XYLT1: variants seen among roughly 807,000 people sequenced by gnomAD.
XYLT1 encodes xylosyltransferase 1, also known as beta-D-xylosyltransferase 1.
Under a neutral mutation model 91.3 loss-of-function variants are expected in XYLT1, and 36 were observed. The ratio of observed to expected loss-of-function variants is 0.39; its 90% CI spans 0.30 to 0.52. XYLT1 has a LOEUF of 0.52. XYLT1 is among the 20% of genes least tolerant of loss of function. The pLI is 0.68. For synonymous variants in XYLT1, 588 were observed against 532.0 expected (o/e 1.11, Z -1.45); for missense variants, 1,242 against 1,284.5 (o/e 0.97, Z 0.51).
chr16:17,386,132 G>T (rs2035745524), intron 1 of XYLT1, among the ~76,000 whole-genome samples: 1 of 152,090 alleles, frequency 6.6e-6, no homozygotes, highest in South Asian at 2.1e-4. Context: ...TTATGTAACA[G>T]CTGAGAAACA....
chr16:17,154,011 G>C (rs11866508), intron 6 of XYLT1, among the ~76,000 whole-genome samples: 75,809 of 151,962 alleles, frequency 0.5, 19,889 homozygotes, highest in Non-Finnish European at 0.57. Context: ...AGGGCCTTGA[G>C]TAAGGTAAAG....
chr16:17,238,872 C>T (rs965051678), intron 3 of XYLT1, among the ~76,000 whole-genome samples: 7 of 152,326 alleles, frequency 4.6e-5, no homozygotes, highest in East Asian at 3.9e-4. Flanking sequence ...GAGGAGTTTA[C>T]GTGATCTCAC....
intron 3 of XYLT1, among the ~76,000 whole-genome samples, chr16:17,212,319 CT>C (rs2032774113): frequency 6.6e-6 from 1 of 152,122 alleles, no homozygotes; most frequent in South Asian, 2.1e-4. Context: ...AGAAAAACAT[CT>C]TCATGCCTCG....
At chr16:17,188,262 C>T (rs915683622) in intron 5 of XYLT1, among the ~76,000 whole-genome samples, 8 of 152,102 alleles carry the variant, frequency 5.3e-5, no homozygotes, top group East Asian at 1.9e-4. Context: ...CCACGGCAGC[C>T]AGTACGATCT....
chr16:17,373,038 T>C (rs1013935529), intron 1 of XYLT1, among the ~76,000 whole-genome samples: 3 of 152,186 alleles, frequency 2.0e-5, no homozygotes, highest in Admixed American at 6.5e-5. Context: ...TATATAATCA[T>C]AGCTATATTT....
chr16:17,267,708 C>G (rs2033827995), intron 2 of XYLT1, among the ~76,000 whole-genome samples: 1 of 152,196 alleles, frequency 6.6e-6, no homozygotes, highest in African/African-American at 2.4e-5. Flanking sequence ...CACGCCCGGC[C>G]AAGACTGAGA....
intron 3 of XYLT1, among the ~76,000 whole-genome samples, chr16:17,234,166 T>C (rs2033210393): frequency 6.6e-6 from 1 of 152,152 alleles, no homozygotes; most frequent in Non-Finnish European, 1.5e-5. Flanking sequence ...GGAAAAACCT[T>C]AGACTGGAGG....
Position 17,327,621 on chromosome 16 carries a change from C to A in XYLT1, c.402+30391G>T, listed in dbSNP as rs1314029305. On this transcript the variant is annotated intron_variant, in intron 2 of 11. Coordinates refer to ENST00000261381, the MANE Select transcript of XYLT1 (RefSeq NM_022166.4). Reference sequence around the variant, plus strand: ...TCGTGATCCCGCCCCCCCCCCCCCCCCCCCCCCGCCTCGGCCTCCCAAAGT... The same window carrying A: ...TCGTGATCCCGCCCCCCCCCCCCCCACCCCCCCGCCTCGGCCTCCCAAAGT... Among the ~76,000 whole-genome samples, 51 of 119,394 alleles carry A rather than the reference C, an allele frequency of 4.3e-4. 8 individuals carry two copies. Among genetic ancestry groups the A allele is most frequent in the South Asian group, 1.4e-3 (4 of 2,956 alleles). 78.3% of individuals were successfully genotyped at this position (119,394 alleles called of 152,430 possible).
chr16:17,319,150 T>A (rs969378994), intron 2 of XYLT1, among the ~76,000 whole-genome samples: 4 of 152,068 alleles, frequency 2.6e-5, no homozygotes, highest in African/African-American at 9.7e-5. Context: ...GCCTCAGTTT[T>A]CAAGTACGTA....
chr16:17,466,372 C>G (rs929542005), intron 1 of XYLT1, among the ~76,000 whole-genome samples: 1 of 152,060 alleles, frequency 6.6e-6, no homozygotes, highest in Non-Finnish European at 1.5e-5. Flanking sequence ...AGCTCTGGAG[C>G]GGGGTGTGGG....
chr16:17,264,091 T>C (rs1418350246), intron 2 of XYLT1, among the ~76,000 whole-genome samples: 2 of 152,318 alleles, frequency 1.3e-5, no homozygotes, highest in East Asian at 3.9e-4. Flanking sequence ...ATATGCAACA[T>C]ACAGCAAATT....
intron 2 of XYLT1, among the ~76,000 whole-genome samples, chr16:17,320,026 C>T (rs370742056): frequency 4.0e-4 from 61 of 152,314 alleles, no homozygotes; most frequent in African/African-American, 1.5e-3. Flanking sequence ...GGGACTAGCT[C>T]CTCATTCAAC....
chr16:17,226,869 G>A (rs185473637), intron 3 of XYLT1, among the ~76,000 whole-genome samples: 32 of 152,336 alleles, frequency 2.1e-4, no homozygotes, highest in Admixed American at 5.9e-4. Flanking sequence ...CCATCACTGT[G>A]TGGCCTTGAG....
At chr16:17,146,541 A>G (rs2031137272) in intron 6 of XYLT1, among the ~76,000 whole-genome samples, 1 of 152,202 alleles carries the variant, frequency 6.6e-6, no homozygotes, top group South Asian at 2.1e-4. Flanking sequence ...ATACGAAAAA[A>G]CAAGGACTGA....
At chr16:17,161,153 C>T (rs573636550) in intron 5 of XYLT1, among the ~76,000 whole-genome samples, 8 of 152,324 alleles carry the variant, frequency 5.3e-5, no homozygotes, top group East Asian at 1.9e-4. Context: ...TCCCAGAAAG[C>T]GCCTTTCAGG....
intron 2 of XYLT1, among the ~76,000 whole-genome samples, chr16:17,317,540 G>T (rs139715483): frequency 6.7e-6 from 1 of 150,008 alleles, no homozygotes; most frequent in Non-Finnish European, 1.5e-5. Flanking sequence ...TGAGGTGGGA[G>T]GATGGCTTGA....
At chr16:17,127,911 A>G (rs1178039539) in intron 9 of XYLT1, 50 bp from the exon 10 acceptor site, 2 of 1,554,972 alleles carry the variant, frequency 1.3e-6, no homozygotes, top group Non-Finnish European at 8.7e-7. Context: ...GTAGGATCAC[A>G]GTGAGGCTCC....
At position 17,182,461 on chromosome 16, in the gene XYLT1, T is replaced by A. The variant is rs192696773; in HGVS notation, c.1289+15751A>T. ...GGGCTCCATGCTTATGATCTCATTT[T>A]ACCTTAAGTACCTCCTTATAGGCCC... is the stretch of plus-strand genomic sequence containing the variant. On this transcript the variant is annotated intron_variant, in intron 5 of 11. Transcript: ENST00000261381. 2.0e-3 allele frequency among the ~76,000 whole-genome samples: 306 copies of A among 152,282 alleles called. 1 individual carries two copies. The highest frequency in any genetic ancestry group is 7.1e-3 in the African/African-American group (297 of 41,570).
At chr16:17,316,845 G>A (rs549683794) in intron 2 of XYLT1, among the ~76,000 whole-genome samples, 82 of 138,954 alleles carry the variant, frequency 5.9e-4, no homozygotes, top group African/African-American at 2.1e-3. Context: ...TTTTTGAGAC[G>A]GAGTCTCGCT....
Sources: gnomAD v4.1 joint callset for allele counts (sites outside exome capture counted in the v4.1 genomes callset) on GRCh38, gnomAD v4.1.1 for gene constraint, MANE v1.5 for transcripts, NCBI Gene and HGNC (gene_info 2026-07-23, HGNC 2026-07-21) for gene names.